Variants in TAB2 observed in about 807,000 individuals in gnomAD.
TAB2 encodes the protein TGF-beta-activated kinase 1 and MAP3K7-binding protein 2.
TAB2 carries 3 observed loss-of-function variants against 65.0 expected under a neutral mutation model. The observed-to-expected ratio is 0.05, with a 90% CI of 0.02 to 0.12. TAB2 has a LOEUF of 0.12. Ranked by LOEUF, TAB2 falls within the 10% of genes least tolerant of loss-of-function variation. The pLI is 1.00. For synonymous variants in TAB2, 298 were observed against 285.1 expected (o/e 1.05, Z -0.46); for missense variants, 623 against 840.3 (o/e 0.74, Z 3.20).
chr6:149,388,992 G>A (rs1273397327), intron 3 of TAB2, among the ~76,000 whole-genome samples: 1 of 128,006 alleles, frequency 7.8e-6, no homozygotes, highest in Admixed American at 9.4e-5. Flanking sequence ...GTCTTGCTCT[G>A]TCACCCAGGC....
At chr6:149,353,221 G>A (rs1399662064) in intron 1 of TAB2, among the ~76,000 whole-genome samples, 1 of 150,898 alleles carries the variant, frequency 6.6e-6, no homozygotes, top group African/African-American at 2.5e-5. Context: ...GCATTTCAAA[G>A]CTCTGGGTGC....
chr6:149,219,526 C>A (rs750946499), intron 1 of TAB2, among the ~76,000 whole-genome samples: 1 of 152,166 alleles, frequency 6.6e-6, no homozygotes, highest in Non-Finnish European at 1.5e-5. Context: ...CAAACCTGCT[C>A]TTTAAATTAT....
chr6:149,403,275 TATATATATAC>T (rs1782524265), intron 6 of TAB2, among the ~76,000 whole-genome samples: 2 of 43,402 alleles, frequency 4.6e-5, no homozygotes, highest in African/African-American at 2.4e-4. Context: ...TATATATATA[TATATATATAC>T]ACACACACAC....
In TAB2 at chr6:149,393,440, A is replaced by C. The variant is rs548776793; in HGVS notation, c.1604-4164A>C. ...TTCTAAGGATGCAATACTTATTCAGAAATATTCTGAAGAATTTACTCTTTA... is the reference window on the plus strand; with the variant it reads ...TTCTAAGGATGCAATACTTATTCAGCAATATTCTGAAGAATTTACTCTTTA... On this transcript the variant is annotated intron_variant, in intron 3 of 6. Coordinates refer to ENST00000637181, the MANE Select transcript of TAB2 (RefSeq NM_001292034.3). 7.2e-5 allele frequency among the ~76,000 whole-genome samples: 11 copies of C among 152,354 alleles called. No individual in the cohort carries two copies. In the South Asian group the frequency reaches 2.1e-3, roughly 29 times the overall value.
rs549836467 is a variant in TAB2, at chr6:149,360,420, C to G, written c.-89-9489C>G. 2.1e-3 allele frequency among the ~76,000 whole-genome samples: 314 copies of G among 152,184 alleles called. 1 individual carries two copies. The highest frequency in any genetic ancestry group is 7.2e-3 in the African/African-American group (298 of 41,514). On this transcript the variant is annotated intron_variant, in intron 1 of 6. Transcript: ENST00000637181. ...AAGCCAGTGTGTCACATGGCAAGAG[C>G]GGAAGCAAGGGAGGAGGAAGTTTTA...
At chr6:149,324,182 T>A (rs937183744) in intron 1 of TAB2, among the ~76,000 whole-genome samples, 1 of 151,810 alleles carries the variant, frequency 6.6e-6, no homozygotes, top group Non-Finnish European at 1.5e-5. Context: ...GATAATAAAG[T>A]AGAGGTTGGA....
At chr6:149,389,645 CAAAA>C (rs370622661) in intron 3 of TAB2, among the ~76,000 whole-genome samples, 11 of 86,886 alleles carry the variant, frequency 1.3e-4, no homozygotes, top group Admixed American at 1.3e-4. Context: ...AACTCTGTGT[CAAAA>C]AAAAAAAAAA....
intron 1 of TAB2, among the ~76,000 whole-genome samples, chr6:149,365,148 G>A (rs1240744327): frequency 3.3e-5 from 5 of 152,118 alleles, no homozygotes; most frequent in Non-Finnish European, 7.4e-5. Context: ...CATAAAGTAT[G>A]ATTTCTTTAT....
chr6:149,317,565 C>G (rs1779290586), upstream of TAB2: 2 of 152,096 alleles, frequency 1.3e-5, no homozygotes, highest in South Asian at 1.8e-4. This position sits in a 1 kb window ranked among gnomAD's most constrained non-coding sequence, Gnocchi z 4.7. Context: ...TTGATTTGGA[C>G]TGGGCTGGCG....
In TAB2 at chr6:149,242,696, C is replaced by A. The variant is rs115033842; in HGVS notation, c.-121+23920C>A. Among the ~76,000 whole-genome samples the A allele has an allele frequency of 9.0e-3, 1,377 of 152,290 alleles. 16 individuals carry two copies. The highest frequency in any genetic ancestry group is 0.03 in the African/African-American group (1,251 of 41,556). On this transcript the variant is annotated intron_variant, in intron 1 of 1. Coordinates refer to the TAB2 transcript ENST00000606202. ...TGGCAGCCCCAAAGTCTATGAATCCCAAGATAGCCTCTGGTTCGGGATTGT... is the reference window on the plus strand; with the variant it reads ...TGGCAGCCCCAAAGTCTATGAATCCAAAGATAGCCTCTGGTTCGGGATTGT...
intron 1 of TAB2, among the ~76,000 whole-genome samples, chr6:149,353,321 G>A (rs775656233): frequency 2.6e-5 from 4 of 152,080 alleles, no homozygotes; most frequent in Admixed American, 6.6e-5. Context: ...ACTAGGTAAC[G>A]CAGGAATATA....
intron 1 of TAB2, among the ~76,000 whole-genome samples, chr6:149,310,485 A>G (rs1162978755): frequency 1.3e-5 from 2 of 152,106 alleles, no homozygotes; most frequent in Non-Finnish European, 2.9e-5. Context: ...TACAAATCCT[A>G]TATTTTTCTT....
chr6:149,322,750 CT>C (rs1235915454), intron 1 of TAB2, among the ~76,000 whole-genome samples: 14 of 152,106 alleles, frequency 9.2e-5, no homozygotes, highest in African/African-American at 3.4e-4. Context: ...CATGTAAATA[CT>C]TTTAAAATAT....
chr6:149,268,540 T>A (rs571762795), intron 1 of TAB2, among the ~76,000 whole-genome samples: 1 of 152,228 alleles, frequency 6.6e-6, no homozygotes, highest in Non-Finnish European at 1.5e-5. Context: ...ACATTTATGA[T>A]GACTGTGAGA....
chr6:149,409,489 G>C, intron 6 of TAB2, 88 bp from the exon 7 acceptor site: 1 of 1,199,440 alleles, frequency 8.3e-7, no homozygotes, highest in Admixed American at 1.8e-5. Context: ...GCATCAGGCT[G>C]TGCACTACAA....
intron 6 of TAB2, among the ~76,000 whole-genome samples, chr6:149,399,596 C>G (rs573885356): frequency 2.2e-4 from 33 of 150,378 alleles, no homozygotes; most frequent in South Asian, 2.1e-4. Context: ...ACCCTAAATT[C>G]CAGGTGAATA....
At chr6:149,230,408 TA>T (rs1338857456) in intron 1 of TAB2, among the ~76,000 whole-genome samples, 1 of 152,234 alleles carries the variant, frequency 6.6e-6, no homozygotes, top group African/African-American at 2.4e-5. Flanking sequence ...TCACAGCTTT[TA>T]TGCCCAGTAA....
rs186624009 is a variant in TAB2 at position 149,318,541 on chromosome 6, C to G, written c.-90+526C>G. 1.7e-4 allele frequency: 26 copies of G among 152,380 alleles called. No individual in the cohort carries two copies. In the East Asian group the frequency reaches 3.7e-3, roughly 21 times the overall value. 9.4% of individuals were successfully genotyped at this position (152,380 alleles called of 1,614,324 possible). ...GGGAGAACATCGTTCCTTTGCGGAT[C>G]TTGGTTTTCTGCAGCCGTCTTTGAA... On this transcript the variant is annotated intron_variant, in intron 1 of 6. Transcript: ENST00000637181.
At chr6:149,281,033 A>G (rs1778563098) in intron 1 of TAB2, among the ~76,000 whole-genome samples, 1 of 152,150 alleles carries the variant, frequency 6.6e-6, no homozygotes, top group Non-Finnish European at 1.5e-5. Flanking sequence ...AAATAATACC[A>G]AATGGAAATA....
Sources: gnomAD v4.1 joint callset for allele counts (sites outside exome capture counted in the v4.1 genomes callset) on GRCh38, gnomAD v4.1.1 for gene constraint, Gnocchi (gnomAD v3.1) non-coding constraint, MANE v1.5 for transcripts, NCBI Gene and HGNC (gene_info 2026-07-23, HGNC 2026-07-21) for gene names.